The following RBFOX1 variants were observed in gnomAD, a reference collection of about 807,000 sequenced individuals.
RBFOX1 encodes RNA binding fox-1 homolog 1, also known as RNA binding protein fox-1 homolog 1.
In RBFOX1, 8 loss-of-function variants were observed where a neutral mutation model predicts 57.7. That is an observed-to-expected ratio of 0.14 (90% CI 0.08 to 0.25). RBFOX1 has a LOEUF of 0.25. Ranked by LOEUF, RBFOX1 falls within the 10% of genes least tolerant of loss-of-function variation. The pLI, the probability that RBFOX1 is intolerant of heterozygous loss-of-function variation, is 1.00. For missense variants in RBFOX1, 611 were observed against 548.5 expected (o/e 1.11, Z -1.14); for synonymous variants, 326 against 222.4 (o/e 1.47, Z -4.15).
At chr16:6,066,400 G>A (rs1224275185) in intron 1 of RBFOX1, among the ~76,000 whole-genome samples, 1 of 150,682 alleles carries the variant, frequency 6.6e-6, no homozygotes, top group Non-Finnish European at 1.5e-5. Context: ...AGACTGCAGA[G>A]CATCAGCTAT....
At chr16:7,423,827 A>T (rs549686154) in intron 4 of RBFOX1, among the ~76,000 whole-genome samples, 1 of 152,114 alleles carries the variant, frequency 6.6e-6, no homozygotes, top group Non-Finnish European at 1.5e-5. Context: ...GTAAATCAGC[A>T]TGATTAAATA....
Position 5,257,781 on chromosome 16 carries a change from T to G in RBFOX1, c.219+17676T>G, listed in dbSNP as rs566144654. 1.2e-3 allele frequency among the ~76,000 whole-genome samples: 183 copies of G among 152,274 alleles called. 1 individual carries two copies. Among genetic ancestry groups the G allele is most frequent in the African/African-American group, 4.2e-3 (176 of 41,574 alleles). ...TGCCCATTCCTTGTGTGTTGTACTT[T>G]GTCTCGACTTCCTCTACTCTGCACC... On this transcript the variant is annotated intron_variant, in intron 1 of 2. Coordinates refer to the RBFOX1 transcript ENST00000585867.
intron 4 of RBFOX1, among the ~76,000 whole-genome samples, chr16:7,072,300 C>T (rs12709171): frequency 0.58 from 87,732 of 152,022 alleles, 29,029 homozygotes; most frequent in East Asian, 0.9. Context: ...ATTCTTCATT[C>T]ATCACTTTCA....
At chr16:6,047,529 G>A (rs1248615266) in intron 1 of RBFOX1, among the ~76,000 whole-genome samples, 1 of 152,210 alleles carries the variant, frequency 6.6e-6, no homozygotes, top group African/African-American at 2.4e-5. Context: ...ATGCCTGGCT[G>A]TCTTCCATCT....
chr16:6,065,247 C>G (rs7192931), intron 1 of RBFOX1, among the ~76,000 whole-genome samples: 101 of 148,060 alleles, frequency 6.8e-4, no homozygotes, highest in African/African-American at 2.2e-3. Context: ...GTTGCCACGG[C>G]TGGTCTCAAA....
intron 2 of RBFOX1, among the ~76,000 whole-genome samples, chr16:6,636,845 TATATATA>T (rs1467048161): frequency 1.1e-5 from 1 of 94,662 alleles, no homozygotes; most frequent in Non-Finnish European, 2.1e-5. Flanking sequence ...TAATATATAA[TATATATA>T]ATATATAATA....
chr16:7,021,675 C>A (rs1190609252), intron 3 of RBFOX1, among the ~76,000 whole-genome samples: 5 of 149,074 alleles, frequency 3.4e-5, no homozygotes, highest in African/African-American at 1.2e-4. Context: ...AGCCTATTTG[C>A]ACAGACTGGA....
chr16:5,284,809 A>C (rs114885557), intron 1 of RBFOX1, among the ~76,000 whole-genome samples: 1 of 116,396 alleles, frequency 8.6e-6, no homozygotes, highest in Non-Finnish European at 1.7e-5. Flanking sequence ...CCCTTTTCTC[A>C]TAGCCTGTCT....
intron 2 of RBFOX1, among the ~76,000 whole-genome samples, chr16:6,446,454 G>T (rs561856006): frequency 6.6e-6 from 1 of 152,284 alleles, no homozygotes; most frequent in East Asian, 1.9e-4. Context: ...AATTTCTCAT[G>T]TAAGGGACAT....
chr16:6,804,716 A>T (rs1476027195), intron 3 of RBFOX1, among the ~76,000 whole-genome samples: 1 of 152,164 alleles, frequency 6.6e-6, no homozygotes, highest in Non-Finnish European at 1.5e-5. Context: ...CTGGGGCAGA[A>T]CAGGGTACTG....
At chr16:6,656,911 T>C (rs189047908) in intron 3 of RBFOX1, among the ~76,000 whole-genome samples, 73 of 131,292 alleles carry the variant, frequency 5.6e-4, no homozygotes, top group African/African-American at 1.8e-3. Context: ...AACTCTCCTC[T>C]CCTCCCCTCT....
chr16:6,761,909 G>A (rs1269898554), intron 3 of RBFOX1, among the ~76,000 whole-genome samples: 1 of 151,964 alleles, frequency 6.6e-6, no homozygotes, highest in Non-Finnish European at 1.5e-5. Flanking sequence ...ATCCCACATT[G>A]TCTTCACCTC....
intron 1 of RBFOX1, among the ~76,000 whole-genome samples, chr16:6,174,261 G>T (rs142912078): frequency 5.7e-4 from 87 of 152,242 alleles, no homozygotes; most frequent in Admixed American, 9.8e-4. Flanking sequence ...TCACTGTTGC[G>T]CTGTCATCAG....
intron 6 of RBFOX1, among the ~76,000 whole-genome samples, chr16:7,583,799 A>G (rs112329584): frequency 0.013 from 1,909 of 151,816 alleles, 20 homozygotes; most frequent in Non-Finnish European, 0.019. Context: ...TGCGCAACAT[A>G]GGGAGACCCA....
At chr16:5,439,225 AT>A (rs2068009288) in intron 1 of RBFOX1, among the ~76,000 whole-genome samples, 1 of 152,032 alleles carries the variant, frequency 6.6e-6, no homozygotes, top group Non-Finnish European at 1.5e-5. Context: ...AATGTGAGTC[AT>A]TCCAGGAAGG....
At chr16:5,475,370 G>A (rs1402943868) in intron 2 of RBFOX1, among the ~76,000 whole-genome samples, 1 of 152,200 alleles carries the variant, frequency 6.6e-6, no homozygotes, top group Non-Finnish European at 1.5e-5. Flanking sequence ...AAAGGCTGCT[G>A]TAACCCTTGT....
At chr16:7,507,778 C>A (rs914350015) in intron 4 of RBFOX1, among the ~76,000 whole-genome samples, 6 of 151,936 alleles carry the variant, frequency 3.9e-5, no homozygotes, top group Middle Eastern at 3.4e-3. Context: ...TTAGCCAGGA[C>A]GGTCTCGATG....
chr16:6,458,558 AG>A (rs2094833282), intron 2 of RBFOX1, among the ~76,000 whole-genome samples: 1 of 152,204 alleles, frequency 6.6e-6, no homozygotes, highest in African/African-American at 2.4e-5. Flanking sequence ...CAGACAAACC[AG>A]GCATCAACCA....
intron 2 of RBFOX1, among the ~76,000 whole-genome samples, chr16:6,597,501 G>C (rs566241320): frequency 6.6e-6 from 1 of 152,024 alleles, no homozygotes; most frequent in Non-Finnish European, 1.5e-5. Context: ...GTGAAACCCT[G>C]TCTCTACTAA....
Sources: gnomAD v4.1 joint callset for allele counts (sites outside exome capture counted in the v4.1 genomes callset) on GRCh38, gnomAD v4.1.1 for gene constraint, MANE v1.5 for transcripts, NCBI Gene and HGNC (gene_info 2026-07-23, HGNC 2026-07-21) for gene names.